Variants in TAF4B observed in about 807,000 individuals in gnomAD.
TAF4B encodes TATA-box binding protein associated factor 4b.
TAF4B carries 38 observed loss-of-function variants against 86.4 expected under a neutral mutation model. The ratio of observed to expected loss-of-function variants is 0.44; its 90% CI spans 0.34 to 0.58. TAF4B has a LOEUF of 0.58. TAF4B is among the 20% of genes least tolerant of loss of function. TAF4B has a pLI of 0.02. For synonymous variants in TAF4B, 388 were observed against 391.2 expected (o/e 0.99, Z 0.10); for missense variants, 988 against 1,027.6 (o/e 0.96, Z 0.53).
At chr18:26,354,067 CCAA>C (rs1248508421) in intron 13 of TAF4B, among the ~76,000 whole-genome samples, 6 of 152,080 alleles carry the variant, frequency 3.9e-5, no homozygotes, top group South Asian at 2.1e-4. Flanking sequence ...TTCAGTTGTT[CCAA>C]CAACATTTGA....
At chr18:26,244,842 G>A (rs763109922) in intron 1 of TAF4B, among the ~76,000 whole-genome samples, 11 of 152,218 alleles carry the variant, frequency 7.2e-5, no homozygotes, top group South Asian at 2.1e-4. Context: ...GCATTAGGAC[G>A]CAGGAGGCAA....
intron 1 of TAF4B, among the ~76,000 whole-genome samples, chr18:26,227,717 G>T (rs938276402): frequency 3.9e-5 from 6 of 152,210 alleles, no homozygotes; most frequent in Admixed American, 2.6e-4. Context: ...GCAGTGACAC[G>T]ATCATGGCTC....
chr18:26,227,063 G>T lies in TAF4B; in HGVS notation c.130G>T (p.Ala44Ser). Residue 44 changes from alanine to serine, a missense_variant, in exon 1 of 15, where the codon GCC becomes TCC. This residue lies in a region of TAF4B where 747 missense variants were observed against 737.9 expected (regional missense o/e 1.01). Coordinates refer to ENST00000269142, the MANE Select transcript of TAF4B (RefSeq NM_005640.3). ...GGAGAGCACTCCGGTGGCCCTGGGC[G>T]CCGTGACTAAGGCTCCTGTCAGCGT... ...RVESTPVALG[A>S]VTKAPVSVCV... The T allele has an allele frequency of 6.3e-7, 1 of 1,595,258 alleles. No individual in the cohort carries two copies. Among genetic ancestry groups the T allele is most frequent in the Non-Finnish European group, 8.5e-7 (1 of 1,175,082 alleles).
At chr18:26,281,524 T>C (rs1416893777) in intron 5 of TAF4B, among the ~76,000 whole-genome samples, 1 of 152,198 alleles carries the variant, frequency 6.6e-6, no homozygotes, top group African/African-American at 2.4e-5. Flanking sequence ...ATTCTGGAAA[T>C]GTTGTCCCTG....
intron 14 of TAF4B, among the ~76,000 whole-genome samples, chr18:26,385,056 A>G (rs963640429): frequency 6.6e-6 from 1 of 152,160 alleles, no homozygotes; most frequent in African/African-American, 2.4e-5. Context: ...AGAGGCCCGT[A>G]TGGAGTCACT....
At chr18:26,263,514 G>C (rs566054735) in intron 1 of TAF4B, among the ~76,000 whole-genome samples, 1 of 152,198 alleles carries the variant, frequency 6.6e-6, no homozygotes, top group African/African-American at 2.4e-5. Context: ...TGTTTCTTTT[G>C]TGCATTTTGG....
At chr18:26,227,392 G>C in intron 1 of TAF4B, 116 bp downstream of exon 1, 1 of 879,700 alleles carries the variant, frequency 1.1e-6, no homozygotes. Flanking sequence ...TCATAATCTT[G>C]ACTTTACAGT....
At chr18:26,384,959 G>A (rs1250903178) in intron 14 of TAF4B, among the ~76,000 whole-genome samples, 1 of 152,114 alleles carries the variant, frequency 6.6e-6, no homozygotes, top group Non-Finnish European at 1.5e-5. Flanking sequence ...CCCATAGTAG[G>A]TACCCAGTAA....
At chr18:26,267,341 G>T in intron 2 of TAF4B, 175 bp from the exon 3 acceptor site, 3 of 442,094 alleles carry the variant, frequency 6.8e-6, no homozygotes, top group South Asian at 6.6e-5. Context: ...GTGTCATCTG[G>T]GCAGCTGACC....
chr18:26,369,588 CAA>C (rs1483233734), intron 14 of TAF4B, among the ~76,000 whole-genome samples: 1 of 152,182 alleles, frequency 6.6e-6, no homozygotes, highest in African/African-American at 2.4e-5. Context: ...AGGGTGAGGA[CAA>C]CAGATGCTGT....
intron 14 of TAF4B, among the ~76,000 whole-genome samples, chr18:26,389,429 T>C (rs1978573295): frequency 1.3e-5 from 2 of 151,198 alleles, no homozygotes; most frequent in Non-Finnish European, 1.5e-5. Context: ...ACATTTAAAG[T>C]CTACATTTGA....
At chr18:26,315,095 ACTCTCTCTCTCTCT>A (rs58691265) in intron 9 of TAF4B, 120 bp from the exon 10 acceptor site, 90 of 220,324 alleles carry the variant, frequency 4.1e-4, no homozygotes, top group African/African-American at 2.4e-3. Context: ...GCTCTCTGAA[ACTCTCTCTCTCTCT>A]CTCTCTCTCT....
At chr18:26,329,498 C>T (rs1038648169) in intron 12 of TAF4B, among the ~76,000 whole-genome samples, 1 of 152,248 alleles carries the variant, frequency 6.6e-6, no homozygotes, top group African/African-American at 2.4e-5. Context: ...GTCTCTCTTT[C>T]ATGGTCCATT....
chr18:26,368,518 T>G (rs1196977340), intron 14 of TAF4B, among the ~76,000 whole-genome samples: 1 of 152,212 alleles, frequency 6.6e-6, no homozygotes, highest in Non-Finnish European at 1.5e-5. Context: ...GCAGTCCCTC[T>G]TTACCTCCAT....
intron 1 of TAF4B, among the ~76,000 whole-genome samples, chr18:26,252,814 A>C (rs2056026238): frequency 6.7e-6 from 1 of 149,546 alleles, no homozygotes; most frequent in African/African-American, 2.4e-5. Context: ...TTATTTTATT[A>C]GTTATTTTAT....
At chr18:26,385,509 G>C (rs552266529) in intron 14 of TAF4B, among the ~76,000 whole-genome samples, 1 of 152,116 alleles carries the variant, frequency 6.6e-6, no homozygotes, top group South Asian at 2.1e-4. Flanking sequence ...GTTTGAGTAG[G>C]CTTCCTAGGA....
intron 13 of TAF4B, among the ~76,000 whole-genome samples, chr18:26,342,488 T>C (rs2057144380): frequency 6.6e-6 from 1 of 152,208 alleles, no homozygotes; most frequent in Non-Finnish European, 1.5e-5. Flanking sequence ...TTTTTAATTT[T>C]CCTTTTATTC....
rs12963653 is a variant in TAF4B at position 26,292,271 on chromosome 18, A to G, written c.1616A>G (p.Asn539Ser). 418,831 of 1,613,564 alleles carry G rather than the reference A, an allele frequency of 0.26. 59,590 individuals carry two copies. The highest frequency in any genetic ancestry group is 0.3 in the Non-Finnish European group (348,978 of 1,179,610). The change falls in exon 8 of 15, where the codon AAT becomes AGT. Residue 539 changes from asparagine to serine, a missense_variant. Asn to Ser is a conservative substitution (Grantham distance 46). Around this residue, in one of 3 missense-constraint regions of TAF4B, gnomAD observed 747 missense variants for 737.9 expected, o/e 1.01. Coordinates refer to ENST00000269142, the MANE Select transcript of TAF4B (RefSeq NM_005640.3). The part of the protein sequence containing the change: ...QLVVQQPSGG[N>S]EKQVTTISHS... The stretch of plus-strand genomic sequence containing the variant: ...GTAGTTCAGCAGCCTTCAGGAGGCA[A>G]TGAAAAACAAGTGACCACAATTTCA...
intron 7 of TAF4B, among the ~76,000 whole-genome samples, chr18:26,289,961 T>G (rs977020796): frequency 6.6e-6 from 1 of 152,164 alleles, no homozygotes; most frequent in Non-Finnish European, 1.5e-5. Flanking sequence ...AATAAAACTG[T>G]GTTATATTTT....
Sources: gnomAD v4.1 joint callset for allele counts (sites outside exome capture counted in the v4.1 genomes callset) on GRCh38, gnomAD v4.1.1 for gene constraint, gnomAD v4.1.1 regional missense constraint, MANE v1.5 for transcripts, NCBI Gene and HGNC (gene_info 2026-07-23, HGNC 2026-07-21) for gene names.